ZNF609: variants seen among roughly 807,000 people sequenced by gnomAD.
The protein encoded by ZNF609 is zinc finger protein 609.
ZNF609 carries 11 observed loss-of-function variants against 109.5 expected under a neutral mutation model. That is an observed-to-expected ratio of 0.10 (90% confidence interval 0.06 to 0.17). ZNF609 has a LOEUF of 0.17. Ranked by LOEUF, ZNF609 falls within the 10% of genes least tolerant of loss-of-function variation. The pLI is 1.00. For synonymous variants in ZNF609, 646 were observed against 662.0 expected (o/e 0.98, Z 0.37); for missense variants, 1,559 against 1,772.4 (o/e 0.88, Z 2.16).
intron 3 of ZNF609, among the ~76,000 whole-genome samples, chr15:64,645,564 CTT>C (rs1896323696): frequency 6.6e-6 from 1 of 151,816 alleles, no homozygotes; most frequent in Non-Finnish European, 1.5e-5. Context: ...AAACTAATAA[CTT>C]TTGTTTATCA....
At chr15:64,633,041 C>T (rs568489636) in intron 3 of ZNF609, among the ~76,000 whole-genome samples, 2 of 151,990 alleles carry the variant, frequency 1.3e-5, no homozygotes, top group Non-Finnish European at 2.9e-5. Context: ...GCCTCAGCCT[C>T]ACAAAGTTCT....
chr15:64,477,004 A>G (rs1893179570), intron 1 of ZNF609, among the ~76,000 whole-genome samples: 1 of 152,106 alleles, frequency 6.6e-6, no homozygotes, highest in Non-Finnish European at 1.5e-5. Flanking sequence ...TCAACACATT[A>G]GCTGTGTTTT....
intron 2 of ZNF609, among the ~76,000 whole-genome samples, chr15:64,526,901 C>T (rs117360743): frequency 0.018 from 2,739 of 152,148 alleles, 32 homozygotes; most frequent in Non-Finnish European, 0.028. Context: ...CATCCCACCT[C>T]GGCAATCCCA....
Position 64,674,046 on chromosome 15 carries a change from A to G in ZNF609, c.1192A>G (p.Ser398Gly). Residue 398 changes from serine (S) to glycine (G), a missense_variant, in exon 5 of 10, where the codon AGC becomes GGC. Transcript: ENST00000326648. ...TASDSKGTSN[S>G]SKTRAGANSK... ...CTCTGACAGCAAAGGGACCAGTAAC[A>G]GCAGCAAAACCCGGGCAGGAGCCAA... The G allele has an allele frequency of 6.2e-7, 1 of 1,614,212 alleles. No individual in the cohort carries two copies.
At chr15:64,526,436 T>G (rs570142643) in intron 2 of ZNF609, among the ~76,000 whole-genome samples, 12 of 152,186 alleles carry the variant, frequency 7.9e-5, no homozygotes, top group Non-Finnish European at 1.5e-4. Context: ...GATGTCTTTT[T>G]TCTTTATTTC....
chr15:64,533,207 C>T (rs566161279), intron 2 of ZNF609, among the ~76,000 whole-genome samples: 195 of 152,128 alleles, frequency 1.3e-3, no homozygotes, highest in Non-Finnish European at 1.4e-3. Flanking sequence ...TTTGCCACCA[C>T]GCCTGGCTAA....
At chr15:64,653,411 G>A (rs1268769570) in intron 3 of ZNF609, among the ~76,000 whole-genome samples, 2 of 152,078 alleles carry the variant, frequency 1.3e-5, no homozygotes, top group Admixed American at 1.3e-4. Flanking sequence ...TTGGGAGGTC[G>A]AGGTGGGCGG....
chr15:64,580,805 T>C (rs1895088027), intron 2 of ZNF609, among the ~76,000 whole-genome samples: 1 of 152,044 alleles, frequency 6.6e-6, no homozygotes, highest in African/African-American at 2.4e-5. Flanking sequence ...AGTGCTAGGA[T>C]GACAGGCATG....
intron 2 of ZNF609, among the ~76,000 whole-genome samples, chr15:64,606,559 A>G (rs1467424431): frequency 2.3e-3 from 5 of 2,176 alleles, no homozygotes; most frequent in Admixed American, 0.014. Context: ...ACTCCATCTC[A>G]AAAAAAAAAA....
chr15:64,681,212 CAG>C, intron 8 of ZNF609, 95 bp from the exon 9 acceptor site: 2 of 1,052,184 alleles, frequency 1.9e-6, no homozygotes, highest in South Asian at 2.7e-5. Flanking sequence ...GGCTGAGTAT[CAG>C]ATTTTTTTTT....
At chr15:64,558,665 T>A (rs1188812140) in intron 2 of ZNF609, among the ~76,000 whole-genome samples, 1 of 152,224 alleles carries the variant, frequency 6.6e-6, no homozygotes, top group East Asian at 1.9e-4. Flanking sequence ...TGCCACAAGT[T>A]CTTTTTCTGC....
chr15:64,552,220 A>G (rs1469374123), intron 2 of ZNF609, among the ~76,000 whole-genome samples: 2 of 152,198 alleles, frequency 1.3e-5, no homozygotes, highest in African/African-American at 4.8e-5. Flanking sequence ...TGCTTTCCAT[A>G]TCTAAAATCT....
chr15:64,576,971 A>ATATATGTATATATACATATAC (rs1894972211), intron 2 of ZNF609, among the ~76,000 whole-genome samples: 1 of 131,554 alleles, frequency 7.6e-6, no homozygotes, highest in African/African-American at 3.0e-5. Flanking sequence ...TATACACATA[A>ATATATGTATATATACATATAC]ATATATATAT....
intron 3 of ZNF609, among the ~76,000 whole-genome samples, chr15:64,651,938 C>T (rs1034060007): frequency 2.6e-5 from 4 of 151,960 alleles, no homozygotes; most frequent in Admixed American, 2.6e-4. Context: ...CCAGTGTTGT[C>T]ACCACCACAC....
At chr15:64,565,232 G>GTATTATTTATTATTAT (rs1555419576) in intron 2 of ZNF609, among the ~76,000 whole-genome samples, 3 of 138,736 alleles carry the variant, frequency 2.2e-5, no homozygotes, top group Non-Finnish European at 4.6e-5. Context: ...GCTAATTTTT[G>GTATTATTTATTATTAT]TATTATTATT....
chr15:64,539,730 C>T (rs1894217259), intron 2 of ZNF609, among the ~76,000 whole-genome samples: 1 of 151,724 alleles, frequency 6.6e-6, no homozygotes, highest in Non-Finnish European at 1.5e-5. Context: ...TCTCGAACTC[C>T]TGACCATGTG....
At chr15:64,492,092 A>T (rs1893421065) in intron 1 of ZNF609, among the ~76,000 whole-genome samples, 1 of 151,512 alleles carries the variant, frequency 6.6e-6, no homozygotes, top group Non-Finnish European at 1.5e-5. Context: ...AAGTACAAAA[A>T]ATTAGCCAGG....
In ZNF609 at chr15:64,675,996, C is replaced by T. The variant is rs758371145; in HGVS notation, c.3142C>T (p.Pro1048Ser). Residue 1048 changes from proline to serine, a missense_variant, in exon 5 of 10, where the codon CCA becomes TCA. By Grantham distance (74) the Pro-to-Ser change is moderately conservative. Around this residue, in one of 4 missense-constraint regions of ZNF609, gnomAD observed 1,204 missense variants for 1,314.1 expected, o/e 0.92. Coordinates refer to ENST00000326648, the MANE Select transcript of ZNF609 (RefSeq NM_015042.2). ...GTGGAAGCAAAAGCCGTCAATTCCACCAACTCTCACCAAGGCCCCCAGCCT... is the reference window on the plus strand; with the variant it reads ...GTGGAAGCAAAAGCCGTCAATTCCATCAACTCTCACCAAGGCCCCCAGCCT... ...EEWKQKPSIPPTLTKAPSLTD... is the reference protein window; with the variant it reads ...EEWKQKPSIPSTLTKAPSLTD... The T allele has an allele frequency of 1.1e-5, 18 of 1,614,104 alleles. No homozygotes were observed. The African/African-American group carries it at 2.3e-4, about 20-fold the overall frequency.
intron 2 of ZNF609, among the ~76,000 whole-genome samples, chr15:64,582,290 C>A (rs1474241509): frequency 6.6e-6 from 1 of 152,084 alleles, no homozygotes; most frequent in East Asian, 1.9e-4. Context: ...ATTGTCTAAC[C>A]CTTTACAGAG....
Sources: gnomAD v4.1 joint callset for allele counts (sites outside exome capture counted in the v4.1 genomes callset) on GRCh38, gnomAD v4.1.1 for gene constraint, gnomAD v4.1.1 regional missense constraint, MANE v1.5 for transcripts, NCBI Gene and HGNC (gene_info 2026-07-23, HGNC 2026-07-21) for gene names.